MLLT6: variants seen among roughly 807,000 people sequenced by gnomAD.
The protein encoded by MLLT6 is protein AF-17.
MLLT6 carries 22 observed loss-of-function variants against 103.0 expected under a neutral mutation model. The observed-to-expected ratio is 0.21, with a 90% CI of 0.15 to 0.31. The LOEUF (loss-of-function observed/expected upper bound fraction) is 0.31, where lower values mean the gene tolerates loss of function less well. Among genes scored for constraint, MLLT6 ranks in the 10% least tolerant of loss-of-function variants. The pLI is 1.00. For synonymous variants in MLLT6, 606 were observed against 623.5 expected, an observed-to-expected ratio of 0.97 and a Z score of 0.42; for missense variants, 1,199 against 1,441.7, an observed-to-expected ratio of 0.83 and a Z score of 2.73.
At position 38,726,286 on chromosome 17, in the gene MLLT6, C is replaced by G. The variant is rs935645459; in HGVS notation, c.*688C>G. 3.0e-5 allele frequency: 7 copies of G among 233,944 alleles called. No individual in the cohort carries two copies. Among genetic ancestry groups the G allele is most frequent in the Admixed American group, 5.6e-5 (1 of 17,776 alleles). 14.5% of individuals were successfully genotyped at this position (233,944 alleles called of 1,614,324 possible). A position where few individuals can be genotyped will look rare whatever the true frequency, so the allele number is the denominator to read the frequency against. On this transcript the variant is annotated 3_prime_UTR_variant, in exon 20 of 20. Coordinates refer to ENST00000621332, the MANE Select transcript of MLLT6 (RefSeq NM_005937.4). ...CTCTGGCCTTCCTTGGTGCCCCGCC[C>G]TTTGTTTGCACTATTGGACTTAGGA...
intron 8 of MLLT6, 67 bp from the exon 9 acceptor site, chr17:38,715,545 C>G: frequency 6.6e-7 from 1 of 1,514,650 alleles, no homozygotes; most frequent in Non-Finnish European, 8.8e-7. Context: ...TCCTGCTTCA[C>G]TCCCACATCA....
intron 12 of MLLT6, 28 bp from the exon 13 acceptor site, chr17:38,719,489 G>A (rs749923609): frequency 1.3e-6 from 2 of 1,587,406 alleles, no homozygotes; most frequent in South Asian, 1.2e-5. Context: ...ACTCCTCCAC[G>A]CTGATCCCAG....
At position 38,729,778 on chromosome 17, in the gene MLLT6, C is replaced by CAA. The variant is rs879210230; in HGVS notation, c.*4196_*4197dup. On this transcript the variant is annotated 3_prime_UTR_variant, in exon 20 of 20. Coordinates refer to ENST00000621332, the MANE Select transcript of MLLT6 (RefSeq NM_005937.4). Reference sequence around the variant, plus strand: ...GTTCTTTTAATAAAAGAATGTTTTGCAAAAAAAAAAAAAAAAATCCGAAGA... The same window carrying CAA: ...GTTCTTTTAATAAAAGAATGTTTTGCAAAAAAAAAAAAAAAAAAATCCGAAGA... 62 of 118,722 alleles carry CAA rather than the reference C, an allele frequency of 5.2e-4. No individual in the cohort carries two copies. The highest frequency in any genetic ancestry group is 5.9e-4 in the South Asian group (2 of 3,392). 7.4% of individuals were successfully genotyped at this position (118,722 alleles called of 1,614,324 possible). A position where few individuals can be genotyped will look rare whatever the true frequency, so the allele number is the denominator to read the frequency against.
rs150293598 is a variant in MLLT6 at position 38,716,143 on chromosome 17, G to A, written c.1037-224G>A. ...CTCCTATAATCGCTACAGTCATCTG[G>A]TGAGGCCAGTAGGGTGCGAGTTACT... On this transcript the variant is annotated intron_variant, in intron 9 of 19. Transcript: ENST00000621332. This position sits in a 1 kb window ranked among gnomAD's most constrained non-coding sequence, Gnocchi z 5.6. The A allele has an allele frequency of 3.8e-4, 230 of 603,990 alleles. No homozygotes were observed. Among genetic ancestry groups the A allele is most frequent in the African/African-American group, 3.0e-3 (161 of 54,044 alleles). The allele number at this position is 603,990 out of a possible 1,614,324, so 37.4% of individuals were successfully genotyped here.
rs1906183908 is a variant in MLLT6 at position 38,729,040 on chromosome 17, A to G, written c.*3442A>G. The G allele has an allele frequency of 4.3e-6, 1 of 233,174 alleles. No homozygotes were observed. The highest frequency in any genetic ancestry group is 5.6e-5 in the Admixed American group (1 of 17,734). The allele number at this position is 233,174 out of a possible 1,614,324, so 14.4% of individuals were successfully genotyped here. A position where few individuals can be genotyped will look rare whatever the true frequency, so the allele number is the denominator to read the frequency against. ...CATACTGAGTTCTAGGGAGGTGCTC[A>G]CCCCAGACTCTTAGGAAGGGTCTAG... On this transcript the variant is annotated 3_prime_UTR_variant, in exon 20 of 20. Coordinates refer to ENST00000621332, the MANE Select transcript of MLLT6 (RefSeq NM_005937.4).
chr17:38,712,970 A>G (rs1302225368), intron 8 of MLLT6, 181 bp downstream of exon 8: 1 of 769,138 alleles, frequency 1.3e-6, no homozygotes, highest in South Asian at 1.4e-5. Flanking sequence ...GGGGCCACCA[A>G]TCACCGACCA....
At chr17:38,723,118 C>T (rs1045769526) in intron 18 of MLLT6, among the ~76,000 whole-genome samples, 9 of 152,176 alleles carry the variant, frequency 5.9e-5, no homozygotes, top group African/African-American at 1.9e-4. Flanking sequence ...GTGCAGGTGA[C>T]ACCACCCTCA....
intron 6 of MLLT6, among the ~76,000 whole-genome samples, chr17:38,710,187 C>T (rs190756745): frequency 1.6e-4 from 25 of 152,144 alleles, no homozygotes; most frequent in African/African-American, 4.3e-4. Context: ...GGGTGAGCAG[C>T]GGGAGAATGG....
chr17:38,707,718 TC>T, intron 3 of MLLT6, 44 bp from the exon 4 acceptor site: 1 of 1,333,890 alleles, frequency 7.5e-7, no homozygotes, highest in Non-Finnish European at 1.1e-6. Flanking sequence ...GGGTGGAGTC[TC>T]CGGCTTGCCA....
intron 6 of MLLT6, 104 bp from the exon 7 acceptor site, chr17:38,711,743 G>A (rs2143674933): frequency 7.2e-7 from 1 of 1,380,214 alleles, no homozygotes; most frequent in Non-Finnish European, 9.6e-7. Context: ...GACAGACGGG[G>A]CACATGGGGC....
chr17:38,711,810 A>G (rs1905149755), intron 6 of MLLT6, 37 bp from the exon 7 acceptor site: 2 of 1,481,530 alleles, frequency 1.3e-6, no homozygotes, highest in Admixed American at 4.8e-5. Flanking sequence ...AGCCCGTGAG[A>G]AGAGGGTTTG....
Position 38,709,485 on chromosome 17 carries a change from C to A in MLLT6, c.462C>A (p.Ala154=). ...GCRQAFHVTC[A]QMAGLLCEEE... ...TCAGGCTGCCTTCTCTGGTTAGTGC[C>A]CAAATGGCAGGCTTGCTGTGTGAGG... Residue 154 remains alanine (A), a synonymous_variant, in exon 6 of 20, where the codon GCC becomes GCA. Coordinates refer to ENST00000621332, the MANE Select transcript of MLLT6 (RefSeq NM_005937.4). This position sits in a 1 kb window ranked among gnomAD's most constrained non-coding sequence, Gnocchi z 4.3. 1 of 1,614,082 alleles carries A rather than the reference C, an allele frequency of 6.2e-7. No homozygotes were observed. The highest frequency in any genetic ancestry group is 8.5e-7 in the Non-Finnish European group (1 of 1,179,894).
intron 6 of MLLT6, among the ~76,000 whole-genome samples, chr17:38,711,520 C>T (rs1405394715): frequency 6.6e-6 from 1 of 152,114 alleles, no homozygotes; most frequent in Non-Finnish European, 1.5e-5. Context: ...GCTCAGTCAG[C>T]CAAGAGGGCA....
At chr17:38,722,516 G>T (rs1905813420) in intron 17 of MLLT6, among the ~76,000 whole-genome samples, 162 bp from the exon 18 acceptor site, 2 of 152,104 alleles carry the variant, frequency 1.3e-5, no homozygotes, top group Non-Finnish European at 2.9e-5. Flanking sequence ...TATCCCTCTT[G>T]CTGCACCCTA....
intron 8 of MLLT6, 68 bp from the exon 9 acceptor site, chr17:38,715,544 A>G (rs1431995709): frequency 1.3e-5 from 19 of 1,510,834 alleles, no homozygotes; most frequent in Non-Finnish European, 1.1e-5. Flanking sequence ...CTCCTGCTTC[A>G]CTCCCACATC....
At position 38,724,930 on chromosome 17, in the gene MLLT6, T is replaced by C; in HGVS notation, c.3194T>C (p.Leu1065Pro). Reference sequence around the variant, plus strand: ...CTCACTGCCCAGACCAACCCCTTCCTCAGCCTGTCGGGAGCAGAGGGCAGT... The same window carrying C: ...CTCACTGCCCAGACCAACCCCTTCCCCAGCCTGTCGGGAGCAGAGGGCAGT... ...PVLTAQTNPF[L>P]SLSGAEGSGG... is the part of the protein sequence containing the mutation. The change falls in exon 19 of 20, where the codon CTC becomes CCC. Residue 1065 changes from leucine to proline, a missense_variant. Physicochemically the swap from Leu to Pro is moderately conservative, Grantham distance 98. This residue lies in a region of MLLT6 where 55 missense variants were observed against 93.3 expected (regional missense o/e 0.59). Transcript: ENST00000621332. This position sits in a 1 kb window ranked among gnomAD's most constrained non-coding sequence, Gnocchi z 5.4. The C allele has an allele frequency of 6.4e-7, 1 of 1,550,994 alleles. No homozygotes were observed. The highest frequency in any genetic ancestry group is 8.7e-7 in the Non-Finnish European group (1 of 1,146,726).
At chr17:38,713,164 G>A (rs1432266836) in intron 8 of MLLT6, 3 of 638,170 alleles carry the variant, frequency 4.7e-6, no homozygotes, top group Non-Finnish European at 8.6e-6. Context: ...CCATCAGGAG[G>A]ACACCCAAAG....
chr17:38,719,822 C>G lies in MLLT6; in HGVS notation c.2082C>G (p.Asp694Glu), dbSNP rs923582580. Residue 694 changes from aspartate to glutamate, a missense_variant, in exon 14 of 20, where the codon GAC becomes GAG. Coordinates refer to ENST00000621332, the MANE Select transcript of MLLT6 (RefSeq NM_005937.4). Reference sequence around the variant, plus strand: ...CACCCTGTGGGGGCGGCCAGTTAGACCCGGCGGCCCCAGGGACGACTAACA... The same window carrying G: ...CACCCTGTGGGGGCGGCCAGTTAGAGCCGGCGGCCCCAGGGACGACTAACA... The part of the protein sequence containing the change: ...ASAPCGGGQL[D>E]PAAPGTTNME... 4.3e-6 allele frequency: 7 copies of G among 1,613,090 alleles called. No individual in the cohort carries two copies. The highest frequency in any genetic ancestry group is 1.3e-5 in the African/African-American group (1 of 75,038).
chr17:38,725,216 C>T lies in MLLT6; in HGVS notation c.3240+240C>T, dbSNP rs1353889473. 5.6e-6 allele frequency: 3 copies of T among 533,698 alleles called. No homozygotes were observed. The African/African-American group carries it at 5.9e-5, about 10-fold the overall frequency. 33.1% of individuals were successfully genotyped at this position (533,698 alleles called of 1,614,324 possible). A position where few individuals can be genotyped will look rare whatever the true frequency, so the allele number is the denominator to read the frequency against. ...AAGGACCAATTAGAAAACAGCCTTC[C>T]TCCGGGAGGACCAATTAGAAAAAGC... On this transcript the variant is annotated intron_variant, in intron 19 of 19. Transcript: ENST00000621332.
Sources: gnomAD v4.1 joint callset for allele counts (sites outside exome capture counted in the v4.1 genomes callset) on GRCh38, gnomAD v4.1.1 for gene constraint, gnomAD v4.1.1 regional missense constraint, Gnocchi (gnomAD v3.1) non-coding constraint, MANE v1.5 for transcripts, NCBI Gene and HGNC (gene_info 2026-07-23, HGNC 2026-07-21) for gene names.